TMEM170B: variants seen among roughly 807,000 people sequenced by gnomAD.
The protein encoded by TMEM170B is transmembrane protein 170B.
Under a neutral mutation model 13.0 loss-of-function variants are expected in TMEM170B, and 6 were observed. The ratio of observed to expected loss-of-function variants is 0.46; its 90% CI spans 0.25 to 0.91. The LOEUF is 0.91. TMEM170B is among the 40% of genes least tolerant of loss of function. The probability of loss-of-function intolerance (pLI) is 0.17; values close to 1 mark genes in which losing one functional copy is unlikely to be tolerated. For synonymous variants in TMEM170B, 61 were observed against 64.9 expected (o/e 0.94, Z 0.29); for missense variants, 138 against 165.2 (o/e 0.84, Z 0.90).
chr6:11,562,415 C>T (rs1327362394), intron 1 of TMEM170B, among the ~76,000 whole-genome samples: 1 of 148,394 alleles, frequency 6.7e-6, no homozygotes, highest in Non-Finnish European at 1.5e-5. Flanking sequence ...TCTTGTATGC[C>T]ATTGAGAAGC....
chr6:11,560,553 C>A, intron 1 of TMEM170B, among the ~76,000 whole-genome samples: 1 of 142,112 alleles, frequency 7.0e-6, no homozygotes. Context: ...TGAGTCCAGC[C>A]TGGGCAGCAT....
intron 1 of TMEM170B, among the ~76,000 whole-genome samples, chr6:11,553,782 A>G (rs947342375): frequency 6.6e-6 from 1 of 152,198 alleles, no homozygotes; most frequent in Non-Finnish European, 1.5e-5. Flanking sequence ...ACTTCTTCAG[A>G]CTTTTAATAT....
Position 11,538,212 on chromosome 6 carries a change from C to G in TMEM170B, c.-66C>G. 1 of 837,476 alleles carries G rather than the reference C, an allele frequency of 1.2e-6. No individual in the cohort carries two copies. The highest frequency in any genetic ancestry group is 1.8e-5 in the African/African-American group (1 of 54,900). 51.9% of individuals were successfully genotyped at this position (837,476 alleles called of 1,614,324 possible). On this transcript the variant is annotated 5_prime_UTR_variant, in exon 1 of 3. Transcript: ENST00000379426. The stretch of plus-strand genomic sequence containing the variant: ...GAGCCGCGCACCCGCCGCCGCCCCC[C>G]GAGCCTCGCAGCCGCCGCCGCCGCC...
intron 1 of TMEM170B, 28 bp downstream of exon 1, chr6:11,538,402 G>T (rs1219262701): frequency 6.8e-7 from 1 of 1,469,346 alleles, no homozygotes; most frequent in Admixed American, 2.3e-5. Context: ...GCTGGGGACG[G>T]GGATGCGGTC....
At chr6:11,557,176 C>G (rs749863115) in intron 1 of TMEM170B, among the ~76,000 whole-genome samples, 16 of 152,232 alleles carry the variant, frequency 1.1e-4, no homozygotes, top group Non-Finnish European at 1.6e-4. Context: ...ACATGTCCCC[C>G]ACTCCTTGCT....
intron 1 of TMEM170B, among the ~76,000 whole-genome samples, chr6:11,541,169 C>T (rs1435020352): frequency 1.3e-5 from 2 of 152,190 alleles, no homozygotes; most frequent in Non-Finnish European, 2.9e-5. Context: ...GCTGCATTAG[C>T]TCCTAAGAAG....
intron 1 of TMEM170B, among the ~76,000 whole-genome samples, chr6:11,559,467 TGA>T (rs994518069): frequency 6.6e-6 from 1 of 152,190 alleles, no homozygotes; most frequent in Non-Finnish European, 1.5e-5. Context: ...ATTACAGGCA[TGA>T]GCTACTGTGC....
At chr6:11,544,507 A>G (rs889257778) in intron 1 of TMEM170B, among the ~76,000 whole-genome samples, 2 of 152,228 alleles carry the variant, frequency 1.3e-5, no homozygotes, top group East Asian at 1.9e-4. Flanking sequence ...AAAATGTAAT[A>G]TATTAGGCTT....
At chr6:11,549,459 C>T (rs12208387) in intron 1 of TMEM170B, among the ~76,000 whole-genome samples, 8,848 of 152,102 alleles carry the variant, frequency 0.058, 276 homozygotes, top group East Asian at 0.16. Context: ...GTCAGGAGAT[C>T]GAGACCATCC....
At chr6:11,541,883 GGA>G (rs1358726284) in intron 1 of TMEM170B, among the ~76,000 whole-genome samples, 8 of 152,120 alleles carry the variant, frequency 5.3e-5, no homozygotes, top group Non-Finnish European at 1.2e-4. Flanking sequence ...CCGAGGAGAG[GGA>G]GAGAGACTGA....
chr6:11,563,494 A>G (rs1056058393), intron 1 of TMEM170B, among the ~76,000 whole-genome samples: 3 of 152,158 alleles, frequency 2.0e-5, no homozygotes, highest in African/African-American at 7.2e-5. Context: ...TTAAAGGCAC[A>G]GTCCCAGAAA....
At chr6:11,569,804 A>G (rs910341874) in intron 2 of TMEM170B, among the ~76,000 whole-genome samples, 1 of 151,948 alleles carries the variant, frequency 6.6e-6, no homozygotes, top group African/African-American at 2.4e-5. Context: ...TTGTAGTGCC[A>G]CCTTTATTGT....
intron 1 of TMEM170B, among the ~76,000 whole-genome samples, chr6:11,544,125 T>C (rs918949538): frequency 1.1e-4 from 16 of 152,314 alleles, no homozygotes; most frequent in Middle Eastern, 6.8e-3. Flanking sequence ...GTTCTCTGCC[T>C]TTCCTTTTTC....
chr6:11,569,069 T>C (rs1449547792), intron 2 of TMEM170B, among the ~76,000 whole-genome samples: 2 of 152,174 alleles, frequency 1.3e-5, no homozygotes, highest in Non-Finnish European at 2.9e-5. Flanking sequence ...AATTTGAGCA[T>C]CTCTTCTTAT....
intron 2 of TMEM170B, among the ~76,000 whole-genome samples, chr6:11,566,804 T>G (rs111480685): frequency 2.0e-5 from 3 of 152,366 alleles, no homozygotes; most frequent in African/African-American, 7.2e-5. Flanking sequence ...GTGTCCTCTT[T>G]ACACTTGGGA....
At chr6:11,563,478 C>T (rs147147414) in intron 1 of TMEM170B, among the ~76,000 whole-genome samples, 3 of 152,216 alleles carry the variant, frequency 2.0e-5, no homozygotes, top group Non-Finnish European at 4.4e-5. Context: ...CATCCAGTCC[C>T]GCAGGTTAAA....
chr6:11,543,502 A>G (rs1441349201), intron 1 of TMEM170B, among the ~76,000 whole-genome samples: 1 of 152,166 alleles, frequency 6.6e-6, no homozygotes. Context: ...ATCCTGAGAG[A>G]TTATTGTTCT....
At chr6:11,540,625 A>G (rs1213805482) in intron 1 of TMEM170B, among the ~76,000 whole-genome samples, 1 of 152,198 alleles carries the variant, frequency 6.6e-6, no homozygotes, top group Admixed American at 6.5e-5. Context: ...GAATGGAGTC[A>G]ATTGCTTTCC....
rs1286437832 is a variant in TMEM170B, at chr6:11,580,425, G to A, written c.*4864G>A. The A allele has an allele frequency of 6.6e-6, 1 of 152,050 alleles. No homozygotes were observed. Among genetic ancestry groups the A allele is most frequent in the African/African-American group, 2.4e-5 (1 of 41,380 alleles). The allele number at this position is 152,050 out of a possible 1,614,324, so 9.4% of individuals were successfully genotyped here. A position where few individuals can be genotyped will look rare whatever the true frequency, so the allele number is the denominator to read the frequency against. On this transcript the variant is annotated 3_prime_UTR_variant, in exon 3 of 3. Coordinates refer to ENST00000379426, the MANE Select transcript of TMEM170B (RefSeq NM_001100829.3). ...AATATTCTCAAACCACTTCACTCTT[G>A]ACACTACAGATTTTTCTCTCAGTCT...
Sources: allele counts gnomAD v4.1 joint callset (sites outside exome capture counted in the v4.1 genomes callset), GRCh38; gene constraint gnomAD v4.1.1; transcripts MANE v1.5; gene names NCBI Gene and HGNC (gene_info 2026-07-23, HGNC 2026-07-21).